Variants in CERKL observed in about 807,000 individuals in gnomAD.
The protein encoded by CERKL is ceramide kinase-like protein.
A neutral mutation model predicts 63.4 loss-of-function variants in CERKL; 61 were observed. The ratio of observed to expected loss-of-function variants is 0.96; its 90% CI spans 0.78 to 1.19. The LOEUF (loss-of-function observed/expected upper bound fraction) is 1.19. Among genes scored for constraint, CERKL ranks in the 50% most tolerant of loss-of-function variants. The pLI is 0.00. For synonymous variants in CERKL, 250 were observed against 230.5 expected (o/e 1.08, Z -0.77); for missense variants, 675 against 655.5 (o/e 1.03, Z -0.33).
intron 8 of CERKL, chr2:181,548,255 A>C: frequency 1.9e-6 from 1 of 521,676 alleles, no homozygotes; most frequent in Non-Finnish European, 3.4e-6. Flanking sequence ...AAAGGAAAGA[A>C]AGGGAAAAAA....
At chr2:181,613,229 A>T (rs1439520222) in intron 1 of CERKL, among the ~76,000 whole-genome samples, 2 of 152,186 alleles carry the variant, frequency 1.3e-5, no homozygotes, top group Non-Finnish European at 2.9e-5. Context: ...ACTTTTTTGG[A>T]TTCCACATAT....
At chr2:181,582,662 A>C (rs1437009046) in intron 2 of CERKL, among the ~76,000 whole-genome samples, 1 of 151,694 alleles carries the variant, frequency 6.6e-6, no homozygotes, top group African/African-American at 2.4e-5. Flanking sequence ...CAGCCTCCCA[A>C]GTAGCTGGGA....
rs530000435 is a variant in CERKL, at chr2:181,547,806, A to G, written c.1159+16T>C. On this transcript the variant is annotated intron_variant, in intron 9 of 12. Transcript: ENST00000410087. ...AGAACCTGGCACAGTTCTCAAGGAG[A>G]TACTTTTCGACTCACCAGATTTGGG... The G allele has an allele frequency of 5.0e-6, 8 of 1,614,040 alleles. No individual in the cohort carries two copies. In the Admixed American group the frequency reaches 6.7e-5, roughly 13 times the overall value.
intron 3 of CERKL, among the ~76,000 whole-genome samples, chr2:181,567,795 G>A (rs1688727383): frequency 6.6e-6 from 1 of 152,174 alleles, no homozygotes; most frequent in Non-Finnish European, 1.5e-5. Flanking sequence ...AGGATAAAGA[G>A]TGATCTGGAT....
chr2:181,539,403 G>A, intron 11 of CERKL, 139 bp from the exon 12 acceptor site: 1 of 616,008 alleles, frequency 1.6e-6, no homozygotes, highest in African/African-American at 1.8e-5. Context: ...TATGAACAGG[G>A]ATCTCCAACT....
chr2:181,554,287 TA>T (rs1316329657), intron 5 of CERKL, among the ~76,000 whole-genome samples: 1 of 151,478 alleles, frequency 6.6e-6, no homozygotes, highest in African/African-American at 2.4e-5. Context: ...TCCAAACAGA[TA>T]AATGTGATGT....
rs374746315 is a variant in CERKL, at chr2:181,573,903, G to T, written c.482-19C>A. On this transcript the variant is annotated intron_variant, in intron 2 of 12. Coordinates refer to ENST00000410087, the MANE Select transcript of CERKL (RefSeq NM_201548.5). ...GGAAAGCCTAAGAAGAAATTTTAAA[G>T]ACAAAGTTGTAAAGTCCTTGTCATC... 24 of 1,610,436 alleles carry T rather than the reference G, an allele frequency of 1.5e-5. No individual in the cohort carries two copies. In the African/African-American group the frequency reaches 1.9e-4, roughly 13 times the overall value.
rs911370361 is a variant in CERKL, at chr2:181,631,751, T to A, written c.238+25018A>T. Among the ~76,000 whole-genome samples the A allele has an allele frequency of 7.9e-5, 12 of 152,084 alleles. No individual in the cohort carries two copies. The East Asian group carries it at 9.7e-4, about 12-fold the overall frequency. On this transcript the variant is annotated intron_variant, in intron 1 of 12. Coordinates refer to ENST00000410087, the MANE Select transcript of CERKL (RefSeq NM_201548.5). ...CCAAGGCCCAAACATGACTTAAGAG[T>A]CTCAGAAAAGGGCTCTCGAGTATGG...
At chr2:181,583,003 T>G (rs996565664) in intron 2 of CERKL, among the ~76,000 whole-genome samples, 1 of 152,208 alleles carries the variant, frequency 6.6e-6, no homozygotes, top group African/African-American at 2.4e-5. Flanking sequence ...TCAGAAACTT[T>G]AGTGCCTTAC....
chr2:181,603,782 A>G, intron 2 of CERKL, 55 bp downstream of exon 2: 1 of 1,554,660 alleles, frequency 6.4e-7, no homozygotes, highest in Non-Finnish European at 8.9e-7. Flanking sequence ...GTCTAGATTA[A>G]TCATGTATAT....
In CERKL at chr2:181,557,494, G is replaced by A. The variant is rs144735277; in HGVS notation, c.820+1072C>T. Among the ~76,000 whole-genome samples, 236 of 152,252 alleles carry A rather than the reference G, an allele frequency of 1.6e-3. 1 individual carries two copies. Among genetic ancestry groups the A allele is most frequent in the African/African-American group, 5.5e-3 (227 of 41,546 alleles). On this transcript the variant is annotated intron_variant, in intron 5 of 12. Coordinates refer to ENST00000410087, the MANE Select transcript of CERKL (RefSeq NM_201548.5). ...TTTTCCCAGCACCGTTCGTTAAATAGGGATGAGTGATTGTGTAATACAATC... is the reference window on the plus strand; with the variant it reads ...TTTTCCCAGCACCGTTCGTTAAATAAGGATGAGTGATTGTGTAATACAATC...
At chr2:181,586,763 G>T (rs1684785739) in intron 2 of CERKL, among the ~76,000 whole-genome samples, 2 of 152,170 alleles carry the variant, frequency 1.3e-5, no homozygotes, top group South Asian at 2.1e-4. Context: ...AAGGGTGGGG[G>T]TTAATCAGGG....
At chr2:181,609,914 T>C (rs1401655178) in intron 1 of CERKL, among the ~76,000 whole-genome samples, 3 of 152,048 alleles carry the variant, frequency 2.0e-5, no homozygotes, top group Non-Finnish European at 4.4e-5. Context: ...TAATCTTTTG[T>C]AAAGAAAAAT....
intron 3 of CERKL, among the ~76,000 whole-genome samples, chr2:181,570,562 G>C (rs1179176098): frequency 1.3e-5 from 2 of 152,090 alleles, no homozygotes; most frequent in Admixed American, 6.6e-5. Context: ...ATTCTTTCCA[G>C]GTTCTCCCGG....
At chr2:181,566,276 G>T (rs571076785) in intron 3 of CERKL, among the ~76,000 whole-genome samples, 155 bp from the exon 4 acceptor site, 3 of 152,270 alleles carry the variant, frequency 2.0e-5, no homozygotes, top group Admixed American at 6.5e-5. Flanking sequence ...TGGGCAAGAG[G>T]ACTAAGTGTT....
chr2:181,572,724 C>G (rs1037842599), intron 3 of CERKL, among the ~76,000 whole-genome samples: 3 of 150,856 alleles, frequency 2.0e-5, no homozygotes, highest in African/African-American at 7.3e-5. Flanking sequence ...TAGTTTCTCT[C>G]GAACCTCTAT....
intron 1 of CERKL, among the ~76,000 whole-genome samples, chr2:181,609,565 G>A (rs1685874602): frequency 9.7e-6 from 1 of 103,592 alleles, no homozygotes; most frequent in Non-Finnish European, 2.0e-5. Context: ...AATTTGCCAG[G>A]TGTAGTGGCA....
intron 1 of CERKL, among the ~76,000 whole-genome samples, chr2:181,611,233 T>C (rs931304827): frequency 4.0e-5 from 6 of 151,112 alleles, no homozygotes; most frequent in African/African-American, 1.5e-4. Flanking sequence ...AAAAAAATAA[T>C]AATAATAAAT....
Position 181,569,840 on chromosome 2 carries a change from G to C in CERKL, c.614-3719C>G, listed in dbSNP as rs180717047. On this transcript the variant is annotated intron_variant, in intron 3 of 12. Transcript: ENST00000410087. ...ACATTTATTTCATATTACTACAAGA[G>C]ATAACATTAACTCTAGTACATAAAA... 2.0e-5 allele frequency among the ~76,000 whole-genome samples: 3 copies of C among 152,220 alleles called. No individual in the cohort carries two copies. The East Asian group carries it at 5.8e-4, about 29-fold the overall frequency.
Sources: gnomAD v4.1 joint callset for allele counts (sites outside exome capture counted in the v4.1 genomes callset) on GRCh38, gnomAD v4.1.1 for gene constraint, MANE v1.5 for transcripts, NCBI Gene and HGNC (gene_info 2026-07-23, HGNC 2026-07-21) for gene names.